Variants in NIPSNAP3B observed in about 807,000 individuals in gnomAD.
NIPSNAP3B encodes protein NipSnap homolog 3B.
NIPSNAP3B carries 30 observed loss-of-function variants against 31.5 expected under a neutral mutation model. That is an observed-to-expected ratio of 0.95 (90% CI 0.71 to 1.29). The LOEUF (loss-of-function observed/expected upper bound fraction) is 1.29, where lower values mean the gene tolerates loss of function less well. Ranked by LOEUF, NIPSNAP3B falls within the 50% of genes most tolerant of loss-of-function variation. The pLI is 0.00. For missense variants in NIPSNAP3B, 269 were observed against 300.7 expected, an observed-to-expected ratio of 0.89 and a Z score of 0.78; for synonymous variants, 106 against 107.9, an observed-to-expected ratio of 0.98 and a Z score of 0.11.
downstream of NIPSNAP3B, among the ~76,000 whole-genome samples, chr9:104,777,925 C>T (rs1828370879): frequency 6.6e-6 from 1 of 152,184 alleles, no homozygotes; most frequent in Admixed American, 6.5e-5. Context: ...CACCAAGGAC[C>T]TCTGTCTTAA....
chr9:104,767,204 G>A (rs1395837362), intron 2 of NIPSNAP3B, among the ~76,000 whole-genome samples: 1 of 152,034 alleles, frequency 6.6e-6, no homozygotes, highest in Non-Finnish European at 1.5e-5. Context: ...CCAACTCTGA[G>A]ATTTAATAAT....
chr9:104,769,583 C>T (rs1734241820), intron 3 of NIPSNAP3B, among the ~76,000 whole-genome samples: 1 of 151,852 alleles, frequency 6.6e-6, no homozygotes, highest in Admixed American at 6.6e-5. Flanking sequence ...TGAAATCTAA[C>T]GGATGCCTAA....
chr9:104,766,442 A>C lies in NIPSNAP3B; in HGVS notation c.178A>C (p.Ile60Leu). Residue 60 changes from isoleucine to leucine, a missense_variant, in exon 2 of 6, where the codon ATT (isoleucine) becomes CTT (leucine). Physicochemically the swap from Ile to Leu is conservative, Grantham distance 5. Coordinates refer to ENST00000374762, the MANE Select transcript of NIPSNAP3B (RefSeq NM_018376.4). ...GTTCATGGAAAATCTTAAGAAAAAC[A>C]TTCATCTTCGGACCTCTTACTCTGA... ...NAFMENLKKN[I>L]HLRTSYSELV... The C allele has an allele frequency of 6.2e-7, 1 of 1,613,852 alleles. No homozygotes were observed. Among genetic ancestry groups the C allele is most frequent in the Non-Finnish European group, 8.5e-7 (1 of 1,179,782 alleles).
At chr9:104,786,398 A>G in the NIPSNAP3B span, 1 of 1,613,228 alleles carries the variant, frequency 6.2e-7, no homozygotes, top group Non-Finnish European at 8.5e-7. Flanking sequence ...ATACTGCGGT[A>G]AAACAGAAAG....
intron 4 of NIPSNAP3B, chr9:104,771,203 A>G: frequency 2.2e-6 from 1 of 462,934 alleles, no homozygotes; most frequent in Non-Finnish European, 3.8e-6. Context: ...CAAATGCTGA[A>G]CTGGTGTTTG....
Position 104,773,158 on chromosome 9 carries a change from C to G in NIPSNAP3B, c.*85C>G, listed in dbSNP as rs1356351067. The stretch of plus-strand genomic sequence containing the variant: ...CTTAAATTCTCCCAAGAGGTTCTCG[C>G]TTTTATTTGAAGGAGGTGGTAAGTT... On this transcript the variant is annotated 3_prime_UTR_variant, in exon 6 of 6. Coordinates refer to ENST00000374762, the MANE Select transcript of NIPSNAP3B (RefSeq NM_018376.4). 1 of 1,360,090 alleles carries G rather than the reference C, an allele frequency of 7.4e-7. No homozygotes were observed. 84.3% of individuals were successfully genotyped at this position (1,360,090 alleles called of 1,614,324 possible).
rs1284771132 is a variant in NIPSNAP3B, at chr9:104,773,588, T to C, written c.*515T>C. The C allele has an allele frequency of 6.6e-6, 1 of 152,488 alleles. No homozygotes were observed. Among genetic ancestry groups the C allele is most frequent in the Non-Finnish European group, 1.5e-5 (1 of 68,252 alleles). The allele number at this position is 152,488 out of a possible 1,614,324, so 9.4% of individuals were successfully genotyped here. A position where few individuals can be genotyped will look rare whatever the true frequency, so the allele number is the denominator to read the frequency against. ...TTCTTTACTGTGGAAAAGTACAATG[T>C]CATCTGTATTAATTATTGCTTTTAC... On this transcript the variant is annotated 3_prime_UTR_variant, in exon 6 of 6. Transcript: ENST00000374762.
chr9:104,773,259 C>A lies in NIPSNAP3B; in HGVS notation c.*186C>A. ...CACTGCTTTAAGAAATAATTCAGTT[C>A]ACTTTCACCTTGGCATTTCAGTATC... is the stretch of plus-strand genomic sequence containing the variant. On this transcript the variant is annotated 3_prime_UTR_variant, in exon 6 of 6. Coordinates refer to ENST00000374762, the MANE Select transcript of NIPSNAP3B (RefSeq NM_018376.4). The A allele has an allele frequency of 1.7e-6, 1 of 601,988 alleles. No homozygotes were observed. The highest frequency in any genetic ancestry group is 2.9e-6 in the Non-Finnish European group (1 of 344,852). The allele number at this position is 601,988 out of a possible 1,614,324, so 37.3% of individuals were successfully genotyped here.
the NIPSNAP3B span, chr9:104,785,610 C>T: frequency 1.2e-5 from 20 of 1,614,034 alleles, no homozygotes; most frequent in African/African-American, 5.3e-5. Flanking sequence ...CCCTGCTATT[C>T]GTACAACTAT....
the NIPSNAP3B span, chr9:104,788,073 C>T: frequency 6.2e-7 from 1 of 1,613,702 alleles, no homozygotes; most frequent in Non-Finnish European, 8.5e-7. Context: ...ATAAAAAGCA[C>T]CTTGACTTTG....
At chr9:104,788,556 T>C in the NIPSNAP3B span, 4 of 1,614,158 alleles carry the variant, frequency 2.5e-6, 1 homozygote, top group Middle Eastern at 1.7e-4. Flanking sequence ...TTCATGGATG[T>C]TTGATAAGAT....
chr9:104,766,537 T>C lies in NIPSNAP3B; in HGVS notation c.271+2T>C. 6.2e-7 allele frequency: 1 copy of C among 1,610,586 alleles called. No individual in the cohort carries two copies. The highest frequency in any genetic ancestry group is 1.1e-5 in the South Asian group (1 of 90,974). ...AAGTGTTTCATATTTGGAAGTATGG[T>C]AAAGAGTCATCCAGTTTTAGTATTC... On this transcript the variant is annotated splice_donor_variant, in intron 2 of 5. Transcript: ENST00000374762. LOFTEE classifies it high-confidence loss of function.
chr9:104,788,341 G>C, the NIPSNAP3B span: 14 of 1,590,334 alleles, frequency 8.8e-6, no homozygotes, highest in Middle Eastern at 1.7e-4. Context: ...AAAACAGCCT[G>C]AAGTCAATGC....
chr9:104,784,178 T>C, the NIPSNAP3B span: 97 of 1,112,910 alleles, frequency 8.7e-5, no homozygotes, highest in East Asian at 1.4e-3. Flanking sequence ...TTGCATTGCA[T>C]TGAATAGTAT....
chr9:104,787,958 C>T, the NIPSNAP3B span: 1 of 1,614,212 alleles, frequency 6.2e-7, no homozygotes, highest in Non-Finnish European at 8.5e-7. Flanking sequence ...AAAGCCATGG[C>T]TGTAGAGAGC....
chr9:104,789,635 G>A, the NIPSNAP3B span, among the ~76,000 whole-genome samples: 6 of 152,316 alleles, frequency 3.9e-5, no homozygotes, highest in African/African-American at 1.2e-4. Context: ...ATAGCAGAGT[G>A]CACTACAATT....
the NIPSNAP3B span, chr9:104,786,995 A>G: frequency 6.2e-7 from 1 of 1,600,028 alleles, no homozygotes; most frequent in South Asian, 1.1e-5. Flanking sequence ...AGAATAAAAT[A>G]AGTCTTATTT....
the NIPSNAP3B span, chr9:104,784,360 G>A: frequency 1.9e-6 from 3 of 1,614,100 alleles, no homozygotes; most frequent in Middle Eastern, 1.6e-4. Flanking sequence ...GAAAAGATGT[G>A]AGAACTGCAA....
At chr9:104,766,112 G>C (rs1828084985) in intron 1 of NIPSNAP3B, among the ~76,000 whole-genome samples, 1 of 152,180 alleles carries the variant, frequency 6.6e-6, no homozygotes, top group Non-Finnish European at 1.5e-5. Flanking sequence ...GTAGACCCCT[G>C]CTAGGAAACA....
Sources: gnomAD v4.1 joint callset for allele counts (sites outside exome capture counted in the v4.1 genomes callset) on GRCh38, gnomAD v4.1.1 for gene constraint, MANE v1.5 for transcripts, NCBI Gene and HGNC (gene_info 2026-07-23, HGNC 2026-07-21) for gene names.